Variants in SP100 observed in about 807,000 individuals in gnomAD.
SP100 encodes the protein nuclear autoantigen Sp-100.
A neutral mutation model predicts 130.0 loss-of-function variants in SP100; 84 were observed. That is an observed-to-expected ratio of 0.65 (90% CI 0.54 to 0.77). SP100 has a LOEUF of 0.77. SP100 is among the 30% of genes least tolerant of loss of function. The probability of loss-of-function intolerance (pLI) is 0.00; values close to 1 mark genes in which losing one functional copy is unlikely to be tolerated. For synonymous variants in SP100, 331 were observed against 351.7 expected (o/e 0.94, Z 0.66); for missense variants, 978 against 1,052.2 (o/e 0.93, Z 0.97).
chr2:230,545,051 C>G lies in SP100; in HGVS notation c.*2105C>G, dbSNP rs932356561. Among the ~76,000 whole-genome samples, 1 of 152,204 alleles carries G rather than the reference C, an allele frequency of 6.6e-6. No homozygotes were observed. Among genetic ancestry groups the G allele is most frequent in the Non-Finnish European group, 1.5e-5 (1 of 68,048 alleles). ...ACTCCTCATAGTGCTAAAAGCAGAA[C>G]TGCCATTCCACCCAGCAATCCCATT... On this transcript the variant is annotated 3_prime_UTR_variant, in exon 29 of 29. Coordinates refer to ENST00000340126, the MANE Select transcript of SP100 (RefSeq NM_001080391.2).
At position 230,543,023 on chromosome 2, in the gene SP100, G is replaced by T; in HGVS notation, c.*77G>T. On this transcript the variant is annotated 3_prime_UTR_variant, in exon 29 of 29. Transcript: ENST00000340126. ...CCTGTGGTCCCACTAATCTGTGACT[G>T]CTCCTGTGGAAACTCCACATCACAA... 1.3e-6 allele frequency: 1 copy of T among 745,304 alleles called. No homozygotes were observed. The highest frequency in any genetic ancestry group is 2.7e-5 in the East Asian group (1 of 36,882). The allele number at this position is 745,304 out of a possible 1,614,324, so 46.2% of individuals were successfully genotyped here. A position where few individuals can be genotyped will look rare whatever the true frequency, so the allele number is the denominator to read the frequency against.
chr2:230,465,055 G>A (rs574924124), intron 11 of SP100, among the ~76,000 whole-genome samples: 11 of 152,298 alleles, frequency 7.2e-5, no homozygotes, highest in African/African-American at 2.6e-4. Context: ...GGCCAATATG[G>A]TGAAACCCTG....
intron 8 of SP100, among the ~76,000 whole-genome samples, chr2:230,451,102 C>T (rs1245219793): frequency 2.6e-5 from 4 of 152,188 alleles, no homozygotes; most frequent in African/African-American, 7.2e-5. Flanking sequence ...GTAGTCCCAT[C>T]GTAACTCTAG....
At chr2:230,451,077 T>C (rs960655535) in intron 8 of SP100, among the ~76,000 whole-genome samples, 2 of 152,234 alleles carry the variant, frequency 1.3e-5, no homozygotes, top group Admixed American at 6.5e-5. Context: ...CAATTTATGG[T>C]AGGTTTATGG....
At chr2:230,509,734 G>GT (rs1425286756) in intron 23 of SP100, 1 of 152,282 alleles carries the variant, frequency 6.6e-6, no homozygotes, top group South Asian at 2.1e-4. Flanking sequence ...CTGCTTATAA[G>GT]TTTTTTGTTA....
chr2:230,537,350 A>G (rs1037719768), intron 24 of SP100, among the ~76,000 whole-genome samples: 2 of 152,158 alleles, frequency 1.3e-5, no homozygotes, highest in Non-Finnish European at 2.9e-5. Flanking sequence ...TTCTTAGCCA[A>G]TGCTCTTCCC....
chr2:230,481,565 C>T (rs939526651), intron 17 of SP100, among the ~76,000 whole-genome samples: 2 of 152,200 alleles, frequency 1.3e-5, no homozygotes, highest in East Asian at 1.9e-4. Context: ...CCGCAGAGTC[C>T]TCCTAAATGG....
intron 2 of SP100, among the ~76,000 whole-genome samples, chr2:230,421,469 A>G (rs2062766525): frequency 6.6e-6 from 1 of 150,992 alleles, no homozygotes; most frequent in South Asian, 2.1e-4. Flanking sequence ...CACATTATCC[A>G]GTAGCCTCCT....
chr2:230,480,264 G>T (rs1412133618), intron 17 of SP100, among the ~76,000 whole-genome samples: 1 of 152,160 alleles, frequency 6.6e-6, no homozygotes, highest in Non-Finnish European at 1.5e-5. Flanking sequence ...TATTGGATGA[G>T]TAATTTGCAT....
chr2:230,492,504 C>T (rs2066440392), intron 17 of SP100, among the ~76,000 whole-genome samples: 1 of 152,162 alleles, frequency 6.6e-6, no homozygotes, highest in Non-Finnish European at 1.5e-5. Context: ...CAAGGTCTTG[C>T]TGGGTTGCCC....
At chr2:230,497,213 G>A (rs529054346) in intron 18 of SP100, among the ~76,000 whole-genome samples, 2 of 152,052 alleles carry the variant, frequency 1.3e-5, no homozygotes, top group African/African-American at 2.4e-5. Context: ...TCGAGTAAAC[G>A]GAACTAAACT....
intron 10 of SP100, 103 bp downstream of exon 10, chr2:230,462,621 C>A: frequency 1.2e-6 from 1 of 850,366 alleles, no homozygotes; most frequent in Non-Finnish European, 2.0e-6. Flanking sequence ...ACAATGGATC[C>A]AGTTTATCCT....
chr2:230,510,104 T>C (rs1690464234), intron 23 of SP100: 1 of 152,676 alleles, frequency 6.5e-6, no homozygotes, highest in East Asian at 1.9e-4. Context: ...GGTGGTAATA[T>C]GGCCACCTCT....
Position 230,422,236 on chromosome 2 carries a change from T to A in SP100, c.107+4571T>A, listed in dbSNP as rs572215577. ...TACTAATGAGGATGAAAATTTTTTT[T>A]AAATTTTACGTTTCTTCCAAGGTTG... On this transcript the variant is annotated intron_variant, in intron 2 of 28. Transcript: ENST00000340126. 7.3e-4 allele frequency among the ~76,000 whole-genome samples: 111 copies of A among 152,338 alleles called. 1 individual carries two copies. The highest frequency in any genetic ancestry group is 2.4e-3 in the Admixed American group (36 of 15,312).
chr2:230,471,635 C>T (rs2065267699), intron 15 of SP100, among the ~76,000 whole-genome samples: 2 of 152,082 alleles, frequency 1.3e-5, no homozygotes, highest in Admixed American at 1.3e-4. Context: ...TATGCACACA[C>T]ACATACACAC....
intron 2 of SP100, among the ~76,000 whole-genome samples, chr2:230,425,832 T>A (rs556108725): frequency 2.6e-5 from 4 of 152,238 alleles, no homozygotes; most frequent in Admixed American, 2.6e-4. Flanking sequence ...TTAGAAGGAT[T>A]GGTATTAGTT....
intron 18 of SP100, 36 bp from the exon 19 acceptor site, chr2:230,498,425 T>G: frequency 7.5e-7 from 1 of 1,326,624 alleles, no homozygotes; most frequent in Non-Finnish European, 1.0e-6. Flanking sequence ...GTGAGTTTTT[T>G]ACACCATCCA....
chr2:230,511,571 G>A (rs1690589370), intron 24 of SP100, among the ~76,000 whole-genome samples: 1 of 152,176 alleles, frequency 6.6e-6, no homozygotes, highest in Non-Finnish European at 1.5e-5. Flanking sequence ...GCTCCAAGGT[G>A]CAGACAGAGC....
chr2:230,532,818 T>G (rs977960855), intron 24 of SP100, among the ~76,000 whole-genome samples: 26 of 152,256 alleles, frequency 1.7e-4, no homozygotes, highest in African/African-American at 5.3e-4. Context: ...TCTCGCTCTT[T>G]CACCCAGGCT....
Sources: allele counts gnomAD v4.1 joint callset (sites outside exome capture counted in the v4.1 genomes callset), GRCh38; gene constraint gnomAD v4.1.1; transcripts MANE v1.5; gene names NCBI Gene and HGNC (gene_info 2026-07-23, HGNC 2026-07-21).